Variants in IL17RE observed in about 807,000 individuals in gnomAD.
The protein encoded by IL17RE is interleukin-17 receptor E.
IL17RE carries 47 observed loss-of-function variants against 70.7 expected under a neutral mutation model. That is an observed-to-expected ratio of 0.67 (90% CI 0.53 to 0.85). The LOEUF is 0.85. IL17RE is among the 40% of genes least tolerant of loss of function. The pLI is 0.00. For synonymous variants in IL17RE, 372 were observed against 381.2 expected (o/e 0.98, Z 0.28); for missense variants, 850 against 893.9 (o/e 0.95, Z 0.63).
intron 3 of IL17RE, among the ~76,000 whole-genome samples, chr3:9,905,718 G>C (rs954250615): frequency 5.3e-5 from 8 of 152,264 alleles, no homozygotes; most frequent in Middle Eastern, 6.8e-3. Flanking sequence ...TACTCTGGGG[G>C]CTGAGGCAGG....
chr3:9,914,531 G>T lies in IL17RE; in HGVS notation c.1297-17G>T, dbSNP rs756084793. Reference sequence around the variant, plus strand: ...AAGATGCCTGGCTCATAGGGGTGGGGGGCTCTGTGCCCTCAGGTGTGGCGG... The same window carrying T: ...AAGATGCCTGGCTCATAGGGGTGGGTGGCTCTGTGCCCTCAGGTGTGGCGG... On this transcript the variant is annotated splice_polypyrimidine_tract_variant and intron_variant, in intron 13 of 15. Transcript: ENST00000383814. The T allele has an allele frequency of 6.2e-7, 1 of 1,613,714 alleles. No individual in the cohort carries two copies. Among genetic ancestry groups the T allele is most frequent in the Non-Finnish European group, 8.5e-7 (1 of 1,179,824 alleles).
chr3:9,907,241 A>G, intron 6 of IL17RE, 141 bp downstream of exon 6: 7 of 1,137,576 alleles, frequency 6.2e-6, no homozygotes, highest in Non-Finnish European at 8.8e-6. Context: ...AGGGTCTATC[A>G]TTAAGACTTC....
intron 12 of IL17RE, among the ~76,000 whole-genome samples, chr3:9,912,333 C>T (rs959128722): frequency 4.6e-5 from 7 of 152,100 alleles, no homozygotes; most frequent in Admixed American, 3.9e-4. Context: ...TCTAGCCTAA[C>T]AGAACAACAT....
At chr3:9,903,544 A>G (rs2125068974) in intron 2 of IL17RE, 132 bp downstream of exon 2, 1 of 976,176 alleles carries the variant, frequency 1.0e-6, no homozygotes, top group Non-Finnish European at 1.6e-6. Flanking sequence ...ATTTGGAATC[A>G]TGACAAGCCT....
Position 9,915,187 on chromosome 3 carries a change from G to T in IL17RE, c.1448-64G>T. 1 of 1,343,936 alleles carries T rather than the reference G, an allele frequency of 7.4e-7. No homozygotes were observed. The highest frequency in any genetic ancestry group is 1.9e-5 in the South Asian group (1 of 51,796). 83.3% of individuals were successfully genotyped at this position (1,343,936 alleles called of 1,614,324 possible). On this transcript the variant is annotated intron_variant, in intron 15 of 15. Transcript: ENST00000383814. This position sits in a 1 kb window ranked among gnomAD's most constrained non-coding sequence, Gnocchi z 4.9. ...GCACCCTACGGTATCCCGAGAGGGT[G>T]GGGAGAAGAGGGCTGAGCAGTCCCT... is the stretch of plus-strand genomic sequence containing the variant.
Position 9,911,425 on chromosome 3 carries a change from C to T in IL17RE, c.1073-18C>T, listed in dbSNP as rs977404329. ...CAAAGCCCAACTCCTATCAACACCCCCACCCCGCCCCAAACAGGGTCTCTC... is the reference window on the plus strand; with the variant it reads ...CAAAGCCCAACTCCTATCAACACCCTCACCCCGCCCCAAACAGGGTCTCTC... On this transcript the variant is annotated intron_variant, in intron 11 of 15. Coordinates refer to ENST00000383814, the MANE Select transcript of IL17RE (RefSeq NM_153480.2). 7 of 1,613,450 alleles carry T rather than the reference C, an allele frequency of 4.3e-6. No individual in the cohort carries two copies. The highest frequency in any genetic ancestry group is 1.3e-5 in the African/African-American group (1 of 74,892).
intron 2 of IL17RE, among the ~76,000 whole-genome samples, chr3:9,903,741 A>G (rs1490662108): frequency 1.3e-5 from 2 of 152,214 alleles, no homozygotes; most frequent in Admixed American, 6.5e-5. Context: ...GGTTCTCCAT[A>G]TATGTTGGCT....
rs745494800 is a variant in IL17RE, at chr3:9,904,671, C to T, written c.268+520C>T. On this transcript the variant is annotated intron_variant, in intron 3 of 15. Transcript: ENST00000383814. ...GCCTGGTGGCAGGCACCTGTAATCCCAGCTGCTCAGGAGGCTGAGGCAGGA... is the reference window on the plus strand; with the variant it reads ...GCCTGGTGGCAGGCACCTGTAATCCTAGCTGCTCAGGAGGCTGAGGCAGGA... Among the ~76,000 whole-genome samples, 81 of 152,308 alleles carry T rather than the reference C, an allele frequency of 5.3e-4. 1 individual carries two copies. The highest frequency in any genetic ancestry group is 2.1e-3 in the South Asian group (10 of 4,818).
intron 12 of IL17RE, among the ~76,000 whole-genome samples, chr3:9,913,061 G>A (rs2082929530): frequency 6.6e-6 from 1 of 152,078 alleles, no homozygotes; most frequent in Non-Finnish European, 1.5e-5. Flanking sequence ...ATACCCATTT[G>A]ATGCTCTCAA....
chr3:9,907,264 A>T (rs1264563094), intron 6 of IL17RE, among the ~76,000 whole-genome samples, 164 bp downstream of exon 6: 3 of 152,196 alleles, frequency 2.0e-5, no homozygotes, highest in Non-Finnish European at 4.4e-5. Flanking sequence ...TGGGCGTGGC[A>T]TGGTGGCTCA....
At chr3:9,902,548 A>C (rs2082662122), upstream of IL17RE, 8 of 1,354,074 alleles carry the variant, frequency 5.9e-6, no homozygotes, top group South Asian at 7.5e-5. Context: ...TGGGAGACAC[A>C]AGTTCCAGAG....
At chr3:9,912,046 C>T (rs2125089647) in intron 12 of IL17RE, among the ~76,000 whole-genome samples, 1 of 152,240 alleles carries the variant, frequency 6.6e-6, no homozygotes, top group East Asian at 1.9e-4. Context: ...GGCCACACAG[C>T]AGGAGGTAAG....
At position 9,907,116 on chromosome 3, in the gene IL17RE, C is replaced by A; in HGVS notation, c.666+16C>A. On this transcript the variant is annotated intron_variant, in intron 6 of 15. Coordinates refer to ENST00000383814, the MANE Select transcript of IL17RE (RefSeq NM_153480.2). ...TGATGTCCAGGTATGGTGTGTCATC[C>A]CCCTGTAAAAAGCCCGATCACACAG... 1 of 1,613,900 alleles carries A rather than the reference C, an allele frequency of 6.2e-7. No homozygotes were observed. The highest frequency in any genetic ancestry group is 1.1e-5 in the South Asian group (1 of 91,060).
intron 3 of IL17RE, among the ~76,000 whole-genome samples, chr3:9,904,460 C>T (rs561884688): frequency 6.6e-6 from 1 of 152,276 alleles, no homozygotes; most frequent in African/African-American, 2.4e-5. Context: ...GTGCCTGGTA[C>T]ATACTAAATG....
chr3:9,911,642 C>A (rs2082896183), intron 12 of IL17RE, 45 bp downstream of exon 12: 1 of 1,561,186 alleles, frequency 6.4e-7, no homozygotes, highest in African/African-American at 1.4e-5. Flanking sequence ...GAGCACAGCC[C>A]TCAATTTCCT....
chr3:9,915,158 G>T lies in IL17RE; in HGVS notation c.1448-93G>T. On this transcript the variant is annotated intron_variant, in intron 15 of 15. Transcript: ENST00000383814. This position sits in a 1 kb window ranked among gnomAD's most constrained non-coding sequence, Gnocchi z 4.9. ...AAGGGGCGGGGGCGGGGGCGGAGAG[G>T]CGAGCACCCTACGGTATCCCGAGAG... 1 of 1,344,898 alleles carries T rather than the reference G, an allele frequency of 7.4e-7. No individual in the cohort carries two copies. Among genetic ancestry groups the T allele is most frequent in the Non-Finnish European group, 9.5e-7 (1 of 1,051,032 alleles). 83.3% of individuals were successfully genotyped at this position (1,344,898 alleles called of 1,614,324 possible).
At chr3:9,911,671 G>A (rs1442110646) in intron 12 of IL17RE, 74 bp downstream of exon 12, 1 of 1,389,446 alleles carries the variant, frequency 7.2e-7, no homozygotes, top group Non-Finnish European at 9.9e-7. Flanking sequence ...CATTGAGATA[G>A]ACCCTGGGAA....
rs1300238517 is a variant in IL17RE at position 9,904,122 on chromosome 3, T to C, written c.239T>C (p.Leu80Ser). 1 of 1,614,214 alleles carries C rather than the reference T, an allele frequency of 6.2e-7. No homozygotes were observed. The highest frequency in any genetic ancestry group is 8.5e-7 in the Non-Finnish European group (1 of 1,180,036). The change falls in exon 3 of 16, where the codon TTG becomes TCG. Residue 80 changes from leucine to serine, a missense_variant. By Grantham distance (145) the Leu-to-Ser change is moderately radical (BLOSUM62 -2). Transcript: ENST00000383814. Reference protein sequence around the residue: ...CVRVWHCSRCLCQHLLSGGSG... With the variant: ...CVRVWHCSRCSCQHLLSGGSG... Reference sequence around the variant, plus strand: ...CGAGTCTGGCACTGTTCCCGCTGTTTGTGCCAGCATCTGCTGTCAGGTGGC... The same window carrying C: ...CGAGTCTGGCACTGTTCCCGCTGTTCGTGCCAGCATCTGCTGTCAGGTGGC...
At position 9,906,458 on chromosome 3, in the gene IL17RE, T is replaced by C. The variant is rs150073534; in HGVS notation, c.363T>C (p.Ala121=). ...GGAGACACAAGATGCCAGCACCTGC[T>C]CAGGTACTCTCCCTGTCAGTTCCAG... ...FYRRHKMPAP[A]QRKLLPRRHL... The change falls in exon 4 of 16, where the codon GCT becomes GCC. Residue 121 remains alanine (A), a synonymous_variant. Transcript: ENST00000383814. 1.0e-5 allele frequency: 16 copies of C among 1,605,562 alleles called. No individual in the cohort carries two copies. The highest frequency in any genetic ancestry group is 1.4e-5 in the Non-Finnish European group (16 of 1,172,594).
Sources: gnomAD v4.1 joint callset for allele counts (sites outside exome capture counted in the v4.1 genomes callset) on GRCh38, gnomAD v4.1.1 for gene constraint, Gnocchi (gnomAD v3.1) non-coding constraint, MANE v1.5 for transcripts, NCBI Gene and HGNC (gene_info 2026-07-23, HGNC 2026-07-21) for gene names.